The following CD72 variants were observed in gnomAD, a reference collection of about 807,000 sequenced individuals.
CD72 encodes the protein CD72 molecule, also known as B-cell differentiation antigen CD72.
Under a neutral mutation model 50.7 loss-of-function variants are expected in CD72, and 28 were observed. That is an observed-to-expected ratio of 0.55 (90% CI 0.41 to 0.76). The LOEUF (loss-of-function observed/expected upper bound fraction) is 0.76, where lower values mean the gene tolerates loss of function less well. CD72 is among the 30% of genes least tolerant of loss of function. The pLI is 0.00. For missense variants in CD72, 403 were observed against 420.6 expected (o/e 0.96, Z 0.37); for synonymous variants, 176 against 171.2 (o/e 1.03, Z -0.22).
At chr9:35,625,168 C>A (rs62545498) in intron 1 of CD72, among the ~76,000 whole-genome samples, 26,516 of 152,164 alleles carry the variant, frequency 0.17, 2,465 homozygotes, top group Admixed American at 0.27. Flanking sequence ...GCCTCTTATG[C>A]CAGTTAGCCA....
chr9:35,637,262 G>C (rs563928436), intron 1 of CD72, among the ~76,000 whole-genome samples: 10 of 152,152 alleles, frequency 6.6e-5, no homozygotes, highest in Non-Finnish European at 1.3e-4. Context: ...GACTCAGCCC[G>C]CCTGCACCCA....
chr9:35,617,251 T>C lies in CD72; in HGVS notation c.191-4A>G. 6.5e-7 allele frequency: 1 copy of C among 1,548,280 alleles called. No homozygotes were observed. The highest frequency in any genetic ancestry group is 2.4e-5 in the East Asian group (1 of 41,272). On this transcript the variant is annotated splice_polypyrimidine_tract_variant and splice_region_variant and intron_variant, in intron 2 of 8. Coordinates refer to ENST00000259633, the MANE Select transcript of CD72 (RefSeq NM_001782.3). Reference sequence around the variant, plus strand: ...GTTGGCTGCTCCGACTTGACCGCTGTCGAGGGGAGCATCCAGTGTGAGACC... The same window carrying C: ...GTTGGCTGCTCCGACTTGACCGCTGCCGAGGGGAGCATCCAGTGTGAGACC...
At chr9:35,618,465 A>G (rs1158458709), upstream of CD72, 2 of 1,502,094 alleles carry the variant, frequency 1.3e-6, no homozygotes, top group Admixed American at 4.0e-5. Context: ...GGAAGGTGTT[A>G]GCAAGTCTCA....
chr9:35,623,895 C>A (rs2131776323), upstream of CD72, among the ~76,000 whole-genome samples: 1 of 151,714 alleles, frequency 6.6e-6, no homozygotes, highest in African/African-American at 2.4e-5. Flanking sequence ...GCCTGGGTGA[C>A]AGAGCAAGAC....
In CD72 at chr9:35,616,149, C is replaced by T. The variant is rs1823061136; in HGVS notation, c.482G>A (p.Arg161Lys). 6.2e-7 allele frequency: 1 copy of T among 1,614,190 alleles called. No individual in the cohort carries two copies. Among genetic ancestry groups the T allele is most frequent in the Admixed American group, 1.7e-5 (1 of 60,026 alleles). ...TTCCTGACTCTGCGCCAGCTCTCTC[C>T]TGGACCCCTGCAGATCCTCTGCACT... ...GQSAEDLQGSRRELAQSQEAL... is the reference protein window; with the variant it reads ...GQSAEDLQGSKRELAQSQEAL... The change falls in exon 5 of 9, where the codon AGG becomes AAG. Residue 161 changes from arginine to lysine, a missense_variant. By Grantham distance (26) the Arg-to-Lys change is conservative (BLOSUM62 2). Coordinates refer to ENST00000259633, the MANE Select transcript of CD72 (RefSeq NM_001782.3).
intron 1 of CD72, among the ~76,000 whole-genome samples, chr9:35,637,292 T>C (rs13290432): frequency 1.3e-5 from 2 of 152,354 alleles, no homozygotes; most frequent in African/African-American, 4.8e-5. Context: ...AACAGCCTTA[T>C]TGCTCACACA....
chr9:35,621,398 A>C (rs768343943), upstream of CD72, among the ~76,000 whole-genome samples: 20 of 152,262 alleles, frequency 1.3e-4, no homozygotes, highest in Non-Finnish European at 2.5e-4. Context: ...TCATTGATAC[A>C]GTCTATGTCA....
intron 1 of CD72, among the ~76,000 whole-genome samples, chr9:35,638,567 G>C (rs1462417790): frequency 6.6e-6 from 1 of 151,548 alleles, no homozygotes; most frequent in Admixed American, 6.6e-5. Context: ...AAATCAGCCA[G>C]TGTTTGGGCT....
At chr9:35,615,096 A>G (rs1297542166) in intron 5 of CD72, among the ~76,000 whole-genome samples, 1 of 152,164 alleles carries the variant, frequency 6.6e-6, no homozygotes, top group Non-Finnish European at 1.5e-5. Flanking sequence ...TTTCGCCGGA[A>G]GAGCAATTTG....
intron 5 of CD72, among the ~76,000 whole-genome samples, chr9:35,613,520 A>G (rs938487708): frequency 1.3e-5 from 2 of 152,090 alleles, no homozygotes; most frequent in African/African-American, 2.4e-5. Context: ...TCTTTCTTCA[A>G]CATCCTACAT....
chr9:35,610,531 GCTCT>G (rs1281057180), intron 8 of CD72, 67 bp downstream of exon 8: 4 of 262,498 alleles, frequency 1.5e-5, no homozygotes, highest in African/African-American at 8.2e-5. Flanking sequence ...CTGGGCCCCT[GCTCT>G]GAGTCCCTGC....
At position 35,616,989 on chromosome 9, in the gene CD72, G is replaced by C. The variant is rs529290300; in HGVS notation, c.262+187C>G. The C allele has an allele frequency of 9.0e-6, 13 of 1,444,002 alleles. No individual in the cohort carries two copies. The Admixed American group carries it at 2.2e-4, about 24-fold the overall frequency. The allele number at this position is 1,444,002 out of a possible 1,614,324, so 89.4% of individuals were successfully genotyped here. Reference sequence around the variant, plus strand: ...GTAGGTGAATTGGGACCATCCGCAGGGGGGCGGTGCACGTCGGATTCAGGC... The same window carrying C: ...GTAGGTGAATTGGGACCATCCGCAGCGGGGCGGTGCACGTCGGATTCAGGC... On this transcript the variant is annotated intron_variant, in intron 3 of 8. Coordinates refer to ENST00000259633, the MANE Select transcript of CD72 (RefSeq NM_001782.3).
intron 3 of CD72, 65 bp downstream of exon 3, chr9:35,617,111 G>A (rs781687199): frequency 4.9e-5 from 76 of 1,545,642 alleles, no homozygotes; most frequent in East Asian, 2.2e-4. Context: ...GGGGCCCAGC[G>A]CCATCCGCAG....
At chr9:35,637,306 C>G (rs954159891) in intron 1 of CD72, among the ~76,000 whole-genome samples, 52 of 152,224 alleles carry the variant, frequency 3.4e-4, no homozygotes, top group Admixed American at 3.4e-3. Flanking sequence ...TCACACAAAG[C>G]CTGTTTGGTG....
At chr9:35,626,938 G>T (rs771141819) in intron 1 of CD72, among the ~76,000 whole-genome samples, 1 of 151,026 alleles carries the variant, frequency 6.6e-6, no homozygotes, top group African/African-American at 2.4e-5. Context: ...TGCAAGCTCC[G>T]CCTCCTGGGA....
chr9:35,611,555 C>A (rs537830810), intron 7 of CD72, among the ~76,000 whole-genome samples: 11 of 152,108 alleles, frequency 7.2e-5, no homozygotes, highest in Admixed American at 2.6e-4. Context: ...TAAAAGATAG[C>A]GTAGGTCCCA....
At chr9:35,630,406 G>A (rs932734180) in intron 1 of CD72, among the ~76,000 whole-genome samples, 2 of 152,094 alleles carry the variant, frequency 1.3e-5, no homozygotes, top group Non-Finnish European at 2.9e-5. Flanking sequence ...TTAAAAAATA[G>A]TTTTTTCTTT....
At chr9:35,623,671 C>A (rs546075591), upstream of CD72, among the ~76,000 whole-genome samples, 4 of 152,188 alleles carry the variant, frequency 2.6e-5, no homozygotes, top group Non-Finnish European at 5.9e-5. Flanking sequence ...AATCCCAGCT[C>A]TTTGGGAGGC....
chr9:35,641,196 C>A (rs1389940105), intron 1 of CD72, among the ~76,000 whole-genome samples: 2 of 151,990 alleles, frequency 1.3e-5, no homozygotes, highest in African/African-American at 4.8e-5. Flanking sequence ...GGGGGGGGTG[C>A]CTTCGATGTC....
Sources: allele counts gnomAD v4.1 joint callset (sites outside exome capture counted in the v4.1 genomes callset), GRCh38; gene constraint gnomAD v4.1.1; transcripts MANE v1.5; gene names NCBI Gene and HGNC (gene_info 2026-07-23, HGNC 2026-07-21).